TCF3: variants seen among roughly 807,000 people sequenced by gnomAD.
The protein encoded by TCF3 is transcription factor 3, also known as transcription factor E2-alpha.
Under a neutral mutation model 72.3 loss-of-function variants are expected in TCF3, and 54 were observed. That is an observed-to-expected ratio of 0.75 (90% CI 0.60 to 0.94). TCF3 has a LOEUF of 0.94. Ranked by LOEUF, TCF3 falls within the 40% of genes least tolerant of loss-of-function variation. TCF3 has a pLI of 0.00. For synonymous variants in TCF3, 525 were observed against 412.6 expected, an observed-to-expected ratio of 1.27 and a Z score of -3.30; for missense variants, 1,078 against 934.4, an observed-to-expected ratio of 1.15 and a Z score of -2.00.
rs755794219 is a variant in TCF3, at chr19:1,609,976, C to T, written c.*1731G>A. On this transcript the variant is annotated 3_prime_UTR_variant, in exon 19 of 19. Transcript: ENST00000262965. ...GGGCATGAAGGGCACATGAAGGCCCCCAGCTAGCCAGGCCCACACCTGGGT... is the reference window on the plus strand; with the variant it reads ...GGGCATGAAGGGCACATGAAGGCCCTCAGCTAGCCAGGCCCACACCTGGGT... The T allele has an allele frequency of 2.9e-4, 68 of 232,828 alleles. No homozygotes were observed. Among genetic ancestry groups the T allele is most frequent in the Non-Finnish European group, 4.8e-4 (56 of 117,880 alleles). 14.4% of individuals were successfully genotyped at this position (232,828 alleles called of 1,614,324 possible).
chr19:1,642,171 C>G (rs894522652), intron 3 of TCF3, among the ~76,000 whole-genome samples: 1 of 150,400 alleles, frequency 6.6e-6, no homozygotes, highest in Non-Finnish European at 1.5e-5. Flanking sequence ...CACACGCACG[C>G]GTACACACAC....
chr19:1,643,165 C>T (rs1363030498), intron 3 of TCF3, among the ~76,000 whole-genome samples: 1 of 152,150 alleles, frequency 6.6e-6, no homozygotes, highest in African/African-American at 2.4e-5. Context: ...AAATGTCTTC[C>T]GATCCAGACA....
At chr19:1,651,518 T>C (rs919516577) in intron 1 of TCF3, among the ~76,000 whole-genome samples, 31 of 152,142 alleles carry the variant, frequency 2.0e-4, no homozygotes, top group Admixed American at 1.9e-3. Flanking sequence ...ACAGACTTAG[T>C]TGGGGGGGTG....
intron 16 of TCF3, among the ~76,000 whole-genome samples, 176 bp downstream of exon 16, chr19:1,618,935 C>T (rs1005385964): frequency 1.8e-4 from 28 of 152,304 alleles, no homozygotes; most frequent in African/African-American, 4.1e-4. Context: ...CCAGGGCCAA[C>T]GCCGGCCCCG....
chr19:1,642,228 A>G (rs1012977916), intron 3 of TCF3, among the ~76,000 whole-genome samples: 1 of 151,700 alleles, frequency 6.6e-6, no homozygotes, highest in Non-Finnish European at 1.5e-5. Flanking sequence ...AGACGCACAG[A>G]CACGCACGCG....
At chr19:1,649,142 G>A (rs752941481) in intron 2 of TCF3, among the ~76,000 whole-genome samples, 18 of 152,200 alleles carry the variant, frequency 1.2e-4, no homozygotes, top group Admixed American at 3.3e-4. Flanking sequence ...CCTCCCCACC[G>A]GGCCTGCCTG....
At chr19:1,646,021 G>A (rs897174033) in intron 3 of TCF3, among the ~76,000 whole-genome samples, 15 of 152,138 alleles carry the variant, frequency 9.9e-5, no homozygotes, top group African/African-American at 3.1e-4. Context: ...GGATTGACTG[G>A]AGAAACGGAT....
At chr19:1,631,589 T>A (rs1016435270) in intron 5 of TCF3, among the ~76,000 whole-genome samples, 11 of 151,602 alleles carry the variant, frequency 7.3e-5, no homozygotes, top group African/African-American at 2.7e-4. Context: ...TTCTCTCGGT[T>A]AACAGGAGGG....
rs375150462 is a variant in TCF3 at position 1,621,978 on chromosome 19, G to A, written c.823-8C>T. The stretch of plus-strand genomic sequence containing the variant: ...TCCATGCAGCTGGTAGCCCTGGGGG[G>A]TCAGGCAGGAGGAGGGTGGGTTAGA... On this transcript the variant is annotated splice_region_variant and splice_polypyrimidine_tract_variant and intron_variant, in intron 10 of 18. Transcript: ENST00000262965. The A allele has an allele frequency of 2.2e-5, 36 of 1,603,772 alleles. No homozygotes were observed. In the African/African-American group the frequency reaches 3.7e-4, roughly 17 times the overall value.
chr19:1,624,401 C>T (rs1268547569), intron 7 of TCF3, among the ~76,000 whole-genome samples: 1 of 152,122 alleles, frequency 6.6e-6, no homozygotes, highest in Non-Finnish European at 1.5e-5. Context: ...TCTCAAAACA[C>T]AACAGCAGCA....
At chr19:1,619,049 A>G (rs561222815) in intron 16 of TCF3, 62 bp downstream of exon 16, 1 of 1,596,528 alleles carries the variant, frequency 6.3e-7, no homozygotes, top group East Asian at 2.2e-5. Flanking sequence ...CCCCACCACT[A>G]GAGTGCCTCA....
intron 5 of TCF3, among the ~76,000 whole-genome samples, chr19:1,630,308 C>T (rs558420237): frequency 3.9e-5 from 6 of 152,280 alleles, no homozygotes; most frequent in South Asian, 2.1e-4. Context: ...AGAAATCGCC[C>T]GTGGCACGTG....
At chr19:1,647,142 T>A (rs1480896949) in intron 2 of TCF3, among the ~76,000 whole-genome samples, 1 of 152,042 alleles carries the variant, frequency 6.6e-6, no homozygotes, top group East Asian at 1.9e-4. Context: ...GTGCTAGGGG[T>A]GTGGGACTGC....
intron 1 of TCF3, 102 bp from the exon 2 acceptor site, chr19:1,650,389 C>T: frequency 1.2e-6 from 1 of 850,868 alleles, no homozygotes; most frequent in South Asian, 1.7e-5. Flanking sequence ...CTAAAAAACC[C>T]TCAACCGCCC....
At chr19:1,642,895 G>C (rs749261535) in intron 3 of TCF3, among the ~76,000 whole-genome samples, 1 of 152,202 alleles carries the variant, frequency 6.6e-6, no homozygotes, top group Non-Finnish European at 1.5e-5. Context: ...AGCAGAACGC[G>C]GAGGTGCCGT....
At chr19:1,651,015 T>C (rs2066943929) in intron 1 of TCF3, 1 of 230,944 alleles carries the variant, frequency 4.3e-6, no homozygotes, top group Non-Finnish European at 8.6e-6. Context: ...TATCCGGGAA[T>C]TATTTTTAAG....
At chr19:1,639,721 T>C (rs2064964283) in intron 3 of TCF3, among the ~76,000 whole-genome samples, 2 of 120,548 alleles carry the variant, frequency 1.7e-5, no homozygotes, top group South Asian at 2.5e-4. Context: ...CAGAAACCTC[T>C]GAAGCAACCT....
chr19:1,636,800 T>C (rs2064472441), intron 3 of TCF3, among the ~76,000 whole-genome samples: 1 of 151,962 alleles, frequency 6.6e-6, no homozygotes, highest in Admixed American at 6.6e-5. Flanking sequence ...CCTTCCTTGT[T>C]GGGGGGCTGA....
chr19:1,643,174 C>A (rs576348114), intron 3 of TCF3, among the ~76,000 whole-genome samples: 6 of 152,322 alleles, frequency 3.9e-5, no homozygotes, highest in African/African-American at 1.4e-4. Context: ...CCGATCCAGA[C>A]AACCAGAAAA....
Sources: gnomAD v4.1 joint callset for allele counts (sites outside exome capture counted in the v4.1 genomes callset) on GRCh38, gnomAD v4.1.1 for gene constraint, MANE v1.5 for transcripts, NCBI Gene and HGNC (gene_info 2026-07-23, HGNC 2026-07-21) for gene names.